DISC1: variants seen among roughly 807,000 people sequenced by gnomAD.
DISC1 encodes DISC1 scaffold protein.
Under a neutral mutation model 84.5 loss-of-function variants are expected in DISC1, and 57 were observed. That is an observed-to-expected ratio of 0.67 (90% CI 0.55 to 0.84). The LOEUF (loss-of-function observed/expected upper bound fraction) is 0.84. DISC1 is among the 40% of genes least tolerant of loss of function. DISC1 has a pLI of 0.00. For synonymous variants in DISC1, 411 were observed against 415.2 expected (o/e 0.99, Z 0.12); for missense variants, 1,000 against 1,057.8 (o/e 0.95, Z 0.76).
At chr1:231,998,393 G>A (rs1006048558) in intron 10 of DISC1, among the ~76,000 whole-genome samples, 7 of 152,244 alleles carry the variant, frequency 4.6e-5, no homozygotes, top group Admixed American at 2.0e-4. Context: ...TAAAACTTCC[G>A]ACCAATGGGC....
intron 6 of DISC1, among the ~76,000 whole-genome samples, chr1:231,788,278 C>G (rs944910720): frequency 6.6e-6 from 1 of 152,024 alleles, no homozygotes; most frequent in African/African-American, 2.4e-5. Context: ...GAGTGAGACT[C>G]CATCTCAGAA....
chr1:231,787,477 G>A (rs1379827890), intron 6 of DISC1, among the ~76,000 whole-genome samples: 2 of 152,022 alleles, frequency 1.3e-5, no homozygotes, highest in African/African-American at 4.8e-5. Flanking sequence ...AGACAGAGAA[G>A]GGGAGGGGAC....
In DISC1 at chr1:231,905,199, G is replaced by T. The variant is rs143724545; in HGVS notation, c.1982-53629G>T. 4.5e-3 allele frequency among the ~76,000 whole-genome samples: 679 copies of T among 152,272 alleles called. 6 individuals carry two copies. The highest frequency in any genetic ancestry group is 0.015 in the African/African-American group (642 of 41,554). On this transcript the variant is annotated intron_variant, in intron 9 of 12. Transcript: ENST00000439617. ...ACAAGAGCACCATGACATCAGATCT[G>T]GGATTTCCCAACAAAAATGCAAACC...
chr1:232,025,879 T>C (rs1364648852), intron 11 of DISC1, among the ~76,000 whole-genome samples: 1 of 152,164 alleles, frequency 6.6e-6, no homozygotes, highest in African/African-American at 2.4e-5. Context: ...ATCCTGCTCT[T>C]ATGCGGCTTA....
chr1:232,029,890 T>G (rs1669837826), intron 12 of DISC1, among the ~76,000 whole-genome samples: 2 of 152,252 alleles, frequency 1.3e-5, no homozygotes, highest in South Asian at 2.1e-4. Context: ...ATCCGAGTTA[T>G]GGGCAGCCTC....
At position 231,958,819 on chromosome 1, in the gene DISC1, T is replaced by C. The variant is rs80264087; in HGVS notation, c.1982-9T>C. The C allele has an allele frequency of 2.2e-4, 348 of 1,613,302 alleles. No homozygotes were observed. The highest frequency in any genetic ancestry group is 2.7e-4 in the Non-Finnish European group (324 of 1,179,714). On this transcript the variant is annotated splice_polypyrimidine_tract_variant and intron_variant, in intron 9 of 12. Coordinates refer to ENST00000439617, the MANE Select transcript of DISC1 (RefSeq NM_018662.3). ...TGCATTAACTTTGGATTTCCTTTTT[T>C]TCCCCCAGAAACAAGTGTGAAGGAA...
chr1:231,726,438 C>G (rs2812380), intron 3 of DISC1, among the ~76,000 whole-genome samples: 4,999 of 152,166 alleles, frequency 0.033, 257 homozygotes, highest in African/African-American at 0.11. Context: ...GTCACCTGGC[C>G]TCCACCAAGG....
At chr1:231,946,448 G>A (rs1657223772) in intron 9 of DISC1, among the ~76,000 whole-genome samples, 1 of 152,108 alleles carries the variant, frequency 6.6e-6, no homozygotes, top group African/African-American at 2.4e-5. Context: ...ACTAGGTATC[G>A]ATGGAATGTA....
chr1:231,987,398 G>A (rs150073962), intron 10 of DISC1, among the ~76,000 whole-genome samples: 1 of 152,350 alleles, frequency 6.6e-6, no homozygotes, highest in East Asian at 1.9e-4. Context: ...TGTATTGACA[G>A]TGTTTGCCGA....
At chr1:231,934,256 C>T (rs773426205) in intron 9 of DISC1, among the ~76,000 whole-genome samples, 4 of 152,180 alleles carry the variant, frequency 2.6e-5, no homozygotes, top group Admixed American at 1.3e-4. Context: ...CTCCTTTTGA[C>T]CCAGCGTCCA....
chr1:231,829,438 C>T (rs1361858983), intron 9 of DISC1, among the ~76,000 whole-genome samples: 2 of 152,056 alleles, frequency 1.3e-5, no homozygotes, highest in African/African-American at 4.8e-5. Context: ...TATCTCGGCT[C>T]ACTGCAACCT....
intron 8 of DISC1, among the ~76,000 whole-genome samples, chr1:231,801,168 C>T (rs2079209151): frequency 6.6e-6 from 1 of 152,018 alleles, no homozygotes; most frequent in African/African-American, 2.4e-5. Context: ...GTCCCTGGTG[C>T]AGTCACGCGT....
rs1321301519 is a variant in DISC1 at position 232,041,179 on chromosome 1, G to A, written c.*4348G>A. On this transcript the variant is annotated 3_prime_UTR_variant, in exon 13 of 13. Transcript: ENST00000439617. Reference sequence around the variant, plus strand: ...TTTGAAGTATGGATGATAGAAAAATGTATCAGGTTTATTCATCTCATCTTT... The same window carrying A: ...TTTGAAGTATGGATGATAGAAAAATATATCAGGTTTATTCATCTCATCTTT... The A allele has an allele frequency of 6.6e-6, 1 of 152,172 alleles. No homozygotes were observed. Among genetic ancestry groups the A allele is most frequent in the South Asian group, 2.1e-4 (1 of 4,830 alleles). The allele number at this position is 152,172 out of a possible 1,614,324, so 9.4% of individuals were successfully genotyped here.
intron 9 of DISC1, among the ~76,000 whole-genome samples, chr1:231,822,607 T>G (rs1449292426): frequency 6.6e-6 from 1 of 152,200 alleles, no homozygotes; most frequent in African/African-American, 2.4e-5. Context: ...AGTCTCACAA[T>G]TTTTGAGCTT....
Position 231,733,292 on chromosome 1 carries a change from G to A in DISC1, c.1118-16634G>A, listed in dbSNP as rs544857964. On this transcript the variant is annotated intron_variant, in intron 3 of 12. Coordinates refer to ENST00000439617, the MANE Select transcript of DISC1 (RefSeq NM_018662.3). ...TAATGGTAGGAGTGTTGGTGGTGAT[G>A]GCAAGAGTGGTGGTGATGGTAGGAG... 3.3e-5 allele frequency among the ~76,000 whole-genome samples: 5 copies of A among 150,750 alleles called. No homozygotes were observed. In the East Asian group the frequency reaches 9.9e-4, roughly 30 times the overall value.
intron 1 of DISC1, among the ~76,000 whole-genome samples, chr1:231,685,451 T>C (rs1019177813): frequency 3.3e-5 from 5 of 152,020 alleles, no homozygotes; most frequent in Non-Finnish European, 5.9e-5. Context: ...CTTTATTTTA[T>C]CTTATTGTAT....
Position 231,694,351 on chromosome 1 carries a change from C to A in DISC1, c.593C>A (p.Thr198Asn). 1.2e-6 allele frequency: 2 copies of A among 1,614,246 alleles called. No individual in the cohort carries two copies. Among genetic ancestry groups the A allele is most frequent in the Non-Finnish European group, 8.5e-7 (1 of 1,180,042 alleles). The change falls in exon 2 of 13, where the codon ACC becomes AAC. Residue 198 changes from threonine (T) to asparagine (N), a missense_variant. Physicochemically the swap from Thr to Asn is moderately conservative, Grantham distance 65. Around this residue, in one of 3 missense-constraint regions of DISC1, gnomAD observed 292 missense variants for 280.2 expected, o/e 1.04. Coordinates refer to ENST00000439617, the MANE Select transcript of DISC1 (RefSeq NM_018662.3). The stretch of plus-strand genomic sequence containing the variant: ...GGCTGTGGCCCTGAGGTCCCCCCAA[C>A]CCCTCCTGGCTCTCACAGTGCCTTT... ...SPGCGPEVPPTPPGSHSAFTS... is the reference protein window; with the variant it reads ...SPGCGPEVPPNPPGSHSAFTS...
chr1:231,880,093 G>A (rs1176120590), intron 9 of DISC1, among the ~76,000 whole-genome samples: 3 of 152,140 alleles, frequency 2.0e-5, no homozygotes, highest in Non-Finnish European at 2.9e-5. Context: ...TTTTATGAGT[G>A]GATTAATCTA....
At chr1:231,724,019 A>T in intron 3 of DISC1, 2 of 985,384 alleles carry the variant, frequency 2.0e-6, no homozygotes, top group Non-Finnish European at 2.4e-6. Context: ...GCCCACTCTG[A>T]TATTGTATTT....
Sources: allele counts gnomAD v4.1 joint callset (sites outside exome capture counted in the v4.1 genomes callset), GRCh38; gene constraint gnomAD v4.1.1; regional missense constraint gnomAD v4.1.1; transcripts MANE v1.5; gene names NCBI Gene and HGNC (gene_info 2026-07-23, HGNC 2026-07-21).